SZRD1: variants seen among roughly 807,000 people sequenced by gnomAD.
The protein encoded by SZRD1 is SUZ RNA-binding domain-containing.
In SZRD1, 7 loss-of-function variants were observed where a neutral mutation model predicts 17.6. The ratio of observed to expected loss-of-function variants is 0.40; its 90% CI spans 0.23 to 0.75. The LOEUF is 0.75. Among genes scored for constraint, SZRD1 ranks in the 30% least tolerant of loss-of-function variants. The pLI, the probability that SZRD1 is intolerant of heterozygous loss-of-function variation, is 0.38. For missense variants in SZRD1, 178 were observed against 201.8 expected (o/e 0.88, Z 0.71); for synonymous variants, 77 against 77.9 (o/e 0.99, Z 0.06).
At chr1:16,369,309 G>T in intron 1 of SZRD1, 1 of 694,962 alleles carries the variant, frequency 1.4e-6, no homozygotes, top group South Asian at 1.7e-5. Context: ...AAGGCACCTC[G>T]GATGTCACGT....
In SZRD1 at chr1:16,385,382, T is replaced by G. The variant is rs146700312; in HGVS notation, c.52-5993T>G. On this transcript the variant is annotated intron_variant, in intron 1 of 3. Coordinates refer to ENST00000401088, the MANE Select transcript of SZRD1 (RefSeq NM_001114600.3). ...TCACTTTGTCTCTTGTGAGCTTGGC[T>G]AGTTCGAATCAGTCCCCCAGGGCAT... 2.3e-3 allele frequency among the ~76,000 whole-genome samples: 344 copies of G among 152,298 alleles called. 4 individuals carry two copies. The highest frequency in any genetic ancestry group is 8.0e-3 in the African/African-American group (331 of 41,546).
At chr1:16,390,037 G>A (rs181215094) in intron 1 of SZRD1, among the ~76,000 whole-genome samples, 2 of 152,342 alleles carry the variant, frequency 1.3e-5, no homozygotes, top group Admixed American at 1.3e-4. Context: ...ATTGTCCAGT[G>A]TCCCCTGAGG....
At chr1:16,383,072 C>G (rs2083133004) in intron 1 of SZRD1, among the ~76,000 whole-genome samples, 1 of 151,704 alleles carries the variant, frequency 6.6e-6, no homozygotes, top group African/African-American at 2.4e-5. Context: ...CACCATATTG[C>G]TCAGGCTGGT....
rs1220961469 is a variant in SZRD1, at chr1:16,389,523, G to A, written c.52-1852G>A. Among the ~76,000 whole-genome samples, 3 of 151,484 alleles carry A rather than the reference G, an allele frequency of 2.0e-5. No individual in the cohort carries two copies. The East Asian group carries it at 5.9e-4, about 30-fold the overall frequency. ...GATGGGGTTTCCACTGTGTTAGCCA[G>A]GATGGTCTCGATCTCCTGACCTCGT... On this transcript the variant is annotated intron_variant, in intron 1 of 3. Coordinates refer to ENST00000401088, the MANE Select transcript of SZRD1 (RefSeq NM_001114600.3).
intron 1 of SZRD1, among the ~76,000 whole-genome samples, chr1:16,386,866 A>G (rs531442373): frequency 1.3e-5 from 2 of 151,954 alleles, no homozygotes; most frequent in Non-Finnish European, 2.9e-5. Flanking sequence ...GAGATGACCA[A>G]TATCTAATGG....
chr1:16,384,398 A>G (rs895048228), intron 1 of SZRD1, among the ~76,000 whole-genome samples: 2 of 152,008 alleles, frequency 1.3e-5, no homozygotes, highest in African/African-American at 4.8e-5. Context: ...AAAAGGGAAA[A>G]AGAAATGGCT....
At chr1:16,392,539 T>G (rs2085236120) in intron 2 of SZRD1, among the ~76,000 whole-genome samples, 1 of 152,186 alleles carries the variant, frequency 6.6e-6, no homozygotes, top group East Asian at 1.9e-4. Context: ...CAAGCACTGT[T>G]TCTAGGAGCA....
rs888274501 is a variant in SZRD1 at position 16,391,173 on chromosome 1, G to A, written c.52-202G>A. 2.0e-5 allele frequency among the ~76,000 whole-genome samples: 3 copies of A among 152,110 alleles called. No individual in the cohort carries two copies. The highest frequency in any genetic ancestry group is 7.2e-5 in the African/African-American group (3 of 41,420). ...CAATGAGGTTTAGAACTGTCATGGC[G>A]GCCATGGGGCTAGAAGGGAGATGGA... On this transcript the variant is annotated intron_variant, in intron 1 of 3. Coordinates refer to ENST00000401088, the MANE Select transcript of SZRD1 (RefSeq NM_001114600.3). The surrounding 1 kb of genome is among the most constrained non-coding windows in gnomAD (Gnocchi z 4.3).
intron 1 of SZRD1, among the ~76,000 whole-genome samples, chr1:16,381,172 T>C (rs576515266): frequency 1.3e-5 from 2 of 151,514 alleles, no homozygotes; most frequent in African/African-American, 4.8e-5. Flanking sequence ...AAGGATCACT[T>C]GAGTCCAGGA....
intron 1 of SZRD1, among the ~76,000 whole-genome samples, chr1:16,375,953 A>G (rs767979777): frequency 1.3e-4 from 20 of 152,150 alleles, no homozygotes; most frequent in Non-Finnish European, 2.4e-4. Flanking sequence ...TCTGCTATCT[A>G]GTTGTTCATC....
chr1:16,385,848 A>G (rs1206677370), intron 1 of SZRD1, among the ~76,000 whole-genome samples: 1 of 152,202 alleles, frequency 6.6e-6, no homozygotes, highest in Non-Finnish European at 1.5e-5. Flanking sequence ...GCAAATGTTG[A>G]CATCTGATCC....
chr1:16,387,706 C>T lies in SZRD1; in HGVS notation c.52-3669C>T, dbSNP rs61656364. The T allele has an allele frequency of 7.9e-3, 3,599 of 456,550 alleles. 116 individuals carry two copies. Among genetic ancestry groups the T allele is most frequent in the African/African-American group, 0.064 (3,221 of 50,110 alleles). The allele number at this position is 456,550 out of a possible 1,614,324, so 28.3% of individuals were successfully genotyped here. A position where few individuals can be genotyped will look rare whatever the true frequency, so the allele number is the denominator to read the frequency against. On this transcript the variant is annotated intron_variant, in intron 1 of 3. Coordinates refer to ENST00000401088, the MANE Select transcript of SZRD1 (RefSeq NM_001114600.3). ...AGGCTCTGTTTATGATGGAGAAACT[C>T]GAATAGGCAGTCTTGTATTTAGAGT...
intron 1 of SZRD1, among the ~76,000 whole-genome samples, chr1:16,387,947 C>T (rs1389461746): frequency 6.6e-6 from 1 of 152,144 alleles, no homozygotes; most frequent in Non-Finnish European, 1.5e-5. Flanking sequence ...TTTGTCAGTT[C>T]ACAGAAAACA....
intron 1 of SZRD1, among the ~76,000 whole-genome samples, chr1:16,370,510 A>C (rs1356779618): frequency 6.7e-6 from 1 of 148,784 alleles, no homozygotes; most frequent in East Asian, 2.0e-4. Context: ...TACAGGCATG[A>C]GCCGCTGCAC....
intron 3 of SZRD1, among the ~76,000 whole-genome samples, chr1:16,394,419 G>A (rs1019003952): frequency 3.3e-5 from 5 of 152,160 alleles, no homozygotes; most frequent in Non-Finnish European, 5.9e-5. Context: ...ATGGTTCTGC[G>A]GAGCATGTGC....
At chr1:16,383,959 T>C in intron 1 of SZRD1, among the ~76,000 whole-genome samples, 1 of 152,232 alleles carries the variant, frequency 6.6e-6, no homozygotes, top group South Asian at 2.1e-4. Context: ...TCCAAAATAG[T>C]ATAATTGTAA....
intron 3 of SZRD1, 71 bp from the exon 4 acceptor site, chr1:16,394,967 A>G (rs2085284945): frequency 1.1e-6 from 1 of 934,340 alleles, no homozygotes; most frequent in African/African-American, 1.7e-5. Flanking sequence ...AAATAAATAA[A>G]AAATAAAGAA....
At chr1:16,382,013 T>C (rs930190097) in intron 1 of SZRD1, among the ~76,000 whole-genome samples, 1 of 152,178 alleles carries the variant, frequency 6.6e-6, no homozygotes, top group Non-Finnish European at 1.5e-5. Context: ...TGGAGCATGA[T>C]TGTTTTGTCT....
At chr1:16,380,931 GA>G (rs1277824129) in intron 1 of SZRD1, among the ~76,000 whole-genome samples, 2 of 146,586 alleles carry the variant, frequency 1.4e-5, no homozygotes, top group Non-Finnish European at 3.0e-5. Flanking sequence ...TTTTTTTAAA[GA>G]AAAAAATAGC....
Sources: gnomAD v4.1 joint callset for allele counts (sites outside exome capture counted in the v4.1 genomes callset) on GRCh38, gnomAD v4.1.1 for gene constraint, Gnocchi (gnomAD v3.1) non-coding constraint, MANE v1.5 for transcripts, NCBI Gene and HGNC (gene_info 2026-07-23, HGNC 2026-07-21) for gene names.